Variants in PRPF6 observed in about 807,000 individuals in gnomAD.
PRPF6 encodes pre-mRNA processing factor 6, also known as pre-mRNA-processing factor 6.
A neutral mutation model predicts 118.3 loss-of-function variants in PRPF6; 42 were observed. That is an observed-to-expected ratio of 0.35 (90% confidence interval 0.28 to 0.46). The LOEUF (loss-of-function observed/expected upper bound fraction) is 0.46. PRPF6 is among the 20% of genes least tolerant of loss of function. The pLI is 1.00. For missense variants in PRPF6, 662 were observed against 1,255.7 expected, an observed-to-expected ratio of 0.53 and a Z score of 7.15; for synonymous variants, 481 against 485.1, an observed-to-expected ratio of 0.99 and a Z score of 0.11.
intron 9 of PRPF6, among the ~76,000 whole-genome samples, chr20:64,002,465 A>G (rs553764183): frequency 5.2e-4 from 78 of 150,496 alleles, no homozygotes; most frequent in Non-Finnish European, 1.0e-3. Context: ...CCTCCCGAGT[A>G]GCCGGGATTA....
At chr20:64,019,751 G>A (rs1199600141) in intron 12 of PRPF6, among the ~76,000 whole-genome samples, 1 of 152,262 alleles carries the variant, frequency 6.6e-6, no homozygotes, top group East Asian at 1.9e-4. Flanking sequence ...CTCCTGGTCA[G>A]GACACAGTGC....
chr20:64,009,908 G>A (rs138955764), intron 9 of PRPF6, among the ~76,000 whole-genome samples: 2 of 152,278 alleles, frequency 1.3e-5, no homozygotes, highest in African/African-American at 4.8e-5. Context: ...GGTTTCTTTT[G>A]TTCAGCATGT....
chr20:64,016,619 C>G (rs2059239566), intron 11 of PRPF6, 104 bp from the exon 12 acceptor site: 1 of 1,464,570 alleles, frequency 6.8e-7, no homozygotes, highest in Non-Finnish European at 9.3e-7. Context: ...GCATCTTGTG[C>G]TGATGTCTGT....
chr20:63,994,998 C>T lies in PRPF6; in HGVS notation c.521C>T (p.Pro174Leu). 1 of 1,614,188 alleles carries T rather than the reference C, an allele frequency of 6.2e-7. No individual in the cohort carries two copies. Among genetic ancestry groups the T allele is most frequent in the Non-Finnish European group, 8.5e-7 (1 of 1,180,026 alleles). ...GDARNKRQRN[P>L]RYEKLTPVPD... ...GCCAGAAATAAACGTCAGCGGAACC[C>T]ACGCTATGAGAAGCTGACCCCTGTT... The change falls in exon 5 of 21, where the codon CCA (proline) becomes CTA (leucine). Residue 174 changes from proline to leucine, a missense_variant. By Grantham distance (98) the Pro-to-Leu change is moderately conservative. Transcript: ENST00000266079.
Position 64,029,278 on chromosome 20 carries a change from G to A in PRPF6, c.2432-99G>A, listed in dbSNP as rs188906073. ...GAGCCGTGTGTGGGAGGCCCCTGTC[G>A]TGGTCTGAGGACGTCCCGGGTTAGA... On this transcript the variant is annotated intron_variant, in intron 18 of 20. Coordinates refer to ENST00000266079, the MANE Select transcript of PRPF6 (RefSeq NM_012469.4). The surrounding 1 kb of genome is among the most constrained non-coding windows in gnomAD (Gnocchi z 4.8). 13 of 1,034,690 alleles carry A rather than the reference G, an allele frequency of 1.3e-5. No individual in the cohort carries two copies. The highest frequency in any genetic ancestry group is 1.1e-4 in the African/African-American group (7 of 63,918). 64.1% of individuals were successfully genotyped at this position (1,034,690 alleles called of 1,614,324 possible).
intron 6 of PRPF6, among the ~76,000 whole-genome samples, chr20:63,996,021 T>C (rs1159534126): frequency 6.6e-6 from 1 of 152,134 alleles, no homozygotes; most frequent in Non-Finnish European, 1.5e-5. Flanking sequence ...CTCAGTAAAT[T>C]GTCTTGTGGC....
At chr20:64,032,446 G>GC (rs1323644899) in intron 20 of PRPF6, among the ~76,000 whole-genome samples, 1 of 151,078 alleles carries the variant, frequency 6.6e-6, no homozygotes, top group South Asian at 2.1e-4. Flanking sequence ...GCTCCCACCC[G>GC]CCCCGCTAGA....
At chr20:64,030,040 G>C (rs1447234702) in intron 19 of PRPF6, among the ~76,000 whole-genome samples, 1 of 152,270 alleles carries the variant, frequency 6.6e-6, no homozygotes, top group Non-Finnish European at 1.5e-5. Context: ...CTGGAACCTT[G>C]CAGGCAGCAG....
intron 3 of PRPF6, among the ~76,000 whole-genome samples, chr20:63,987,774 G>A (rs1036442442): frequency 1.4e-4 from 21 of 152,352 alleles, no homozygotes; most frequent in Admixed American, 1.4e-3. Context: ...GCCCCCAGGT[G>A]TGGTGGCTCA....
At position 64,026,363 on chromosome 20, in the gene PRPF6, G is replaced by A. The variant is rs1008575111; in HGVS notation, c.2028+305G>A. Among the ~76,000 whole-genome samples, 23 of 131,510 alleles carry A rather than the reference G, an allele frequency of 1.7e-4. No individual in the cohort carries two copies. The highest frequency in any genetic ancestry group is 2.9e-4 in the Non-Finnish European group (18 of 62,692). The allele number at this position is 131,510 out of a possible 152,430, so 86.3% of individuals were successfully genotyped here. ...CTCTACTAAAAATACAAAATTAGCC[G>A]GGCGTGGTGGTGCGTGCCTGTAATC... is the stretch of plus-strand genomic sequence containing the variant. On this transcript the variant is annotated intron_variant, in intron 15 of 20. Transcript: ENST00000266079. The surrounding 1 kb of genome is among the most constrained non-coding windows in gnomAD (Gnocchi z 4.4).
intron 12 of PRPF6, among the ~76,000 whole-genome samples, chr20:64,021,963 G>A (rs919174012): frequency 7.8e-5 from 11 of 141,900 alleles, no homozygotes; most frequent in Middle Eastern, 4.0e-3. Context: ...GTGTGTGCAC[G>A]TATGCATATG....
At chr20:63,990,649 C>CTTT (rs565993288) in intron 3 of PRPF6, among the ~76,000 whole-genome samples, 25 of 140,884 alleles carry the variant, frequency 1.8e-4, no homozygotes, top group South Asian at 4.6e-4. Flanking sequence ...TTTCTTTTTT[C>CTTT]TTTTTTTTTT....
In PRPF6 at chr20:64,027,824, T is replaced by C; in HGVS notation, c.2339+88T>C. On this transcript the variant is annotated intron_variant, in intron 17 of 20. Coordinates refer to ENST00000266079, the MANE Select transcript of PRPF6 (RefSeq NM_012469.4). This position sits in a 1 kb window ranked among gnomAD's most constrained non-coding sequence, Gnocchi z 6.5. ...CACCCAGCTGCTTGTGTGGAGTCAC[T>C]CGTGCAGTGCTTCCAGGCTCAGGGG... 6.4e-7 allele frequency: 1 copy of C among 1,570,788 alleles called. No homozygotes were observed. Among genetic ancestry groups the C allele is most frequent in the Non-Finnish European group, 8.7e-7 (1 of 1,143,890 alleles).
rs2059302877 is a variant in PRPF6 at position 64,028,819 on chromosome 20, A to G, written c.2431+250A>G. On this transcript the variant is annotated intron_variant, in intron 18 of 20. Transcript: ENST00000266079. This position sits in a 1 kb window ranked among gnomAD's most constrained non-coding sequence, Gnocchi z 6.5. ...GAAATTCTTGGCCTCAAAATGGGAG[A>G]ATTTGATTTCATTTCTGAAGTGTTA... 6.6e-6 allele frequency among the ~76,000 whole-genome samples: 1 copy of G among 152,144 alleles called. No homozygotes were observed. The highest frequency in any genetic ancestry group is 2.1e-4 in the South Asian group (1 of 4,834).
intron 9 of PRPF6, among the ~76,000 whole-genome samples, chr20:64,004,150 G>T (rs377253432): frequency 1.2e-4 from 18 of 152,344 alleles, no homozygotes; most frequent in African/African-American, 4.3e-4. Flanking sequence ...TTCATTTCCA[G>T]TTGGTTTGGA....
chr20:64,024,719 A>AG (rs1170754906), intron 14 of PRPF6, 26 bp downstream of exon 14: 1 of 1,608,192 alleles, frequency 6.2e-7, no homozygotes, highest in Non-Finnish European at 8.5e-7. Context: ...CTGTGTGGTG[A>AG]GGGGCCTGTG....
intron 20 of PRPF6, 111 bp from the exon 21 acceptor site, chr20:64,032,730 T>C: frequency 7.3e-7 from 1 of 1,379,162 alleles, no homozygotes; most frequent in Non-Finnish European, 9.9e-7. Context: ...GGCCCGCCAG[T>C]TGGGGTTGGT....
At chr20:63,982,159 C>T (rs889394921) in intron 1 of PRPF6, among the ~76,000 whole-genome samples, 1 of 152,028 alleles carries the variant, frequency 6.6e-6, no homozygotes, top group Admixed American at 6.6e-5. Flanking sequence ...GATCATGACC[C>T]TTCAGAATTA....
chr20:64,013,902 C>T (rs942058855), intron 11 of PRPF6, among the ~76,000 whole-genome samples: 10 of 152,066 alleles, frequency 6.6e-5, no homozygotes, highest in African/African-American at 1.9e-4. Flanking sequence ...AGTTGTTGCT[C>T]CCCATTTTCA....
Sources: allele counts gnomAD v4.1 joint callset (sites outside exome capture counted in the v4.1 genomes callset), GRCh38; gene constraint gnomAD v4.1.1; non-coding constraint Gnocchi (gnomAD v3.1); transcripts MANE v1.5; gene names NCBI Gene and HGNC (gene_info 2026-07-23, HGNC 2026-07-21).